EVL: variants seen among roughly 807,000 people sequenced by gnomAD.
The protein encoded by EVL is Enah/Vasp-like.
A neutral mutation model predicts 59.6 loss-of-function variants in EVL; 21 were observed. The ratio of observed to expected loss-of-function variants is 0.35; its 90% CI spans 0.25 to 0.51. The LOEUF (loss-of-function observed/expected upper bound fraction) is 0.51, where lower values mean the gene tolerates loss of function less well. EVL is among the 20% of genes least tolerant of loss of function. The pLI, the probability that EVL is intolerant of heterozygous loss-of-function variation, is 0.97. For synonymous variants in EVL, 198 were observed against 203.5 expected, an observed-to-expected ratio of 0.97 and a Z score of 0.23; for missense variants, 462 against 546.6, an observed-to-expected ratio of 0.85 and a Z score of 1.54.
intron 1 of EVL, among the ~76,000 whole-genome samples, chr14:100,083,571 T>C (rs958276684): frequency 6.6e-6 from 1 of 152,186 alleles, no homozygotes; most frequent in Non-Finnish European, 1.5e-5. Flanking sequence ...TTCCCCTGAA[T>C]ACCGTGGCAG....
intron 1 of EVL, among the ~76,000 whole-genome samples, chr14:100,083,446 T>TA (rs34098353): frequency 0.059 from 8,534 of 145,448 alleles, 351 homozygotes; most frequent in Non-Finnish European, 0.084. Context: ...ATTCCCTCTT[T>TA]AAAAAAAAAA....
chr14:100,144,035 T>A lies in EVL; in HGVS notation c.*297T>A. 1 of 442,918 alleles carries A rather than the reference T, an allele frequency of 2.3e-6. No individual in the cohort carries two copies. Among genetic ancestry groups the A allele is most frequent in the East Asian group, 4.1e-5 (1 of 24,562 alleles). 27.4% of individuals were successfully genotyped at this position (442,918 alleles called of 1,614,324 possible). On this transcript the variant is annotated 3_prime_UTR_variant, in exon 14 of 14. Coordinates refer to ENST00000392920, the MANE Select transcript of EVL (RefSeq NM_016337.3). Reference sequence around the variant, plus strand: ...CTAGAGACGCCCCTAAGTCACCTGCTTCATTAGACGGTTTCCAGGTTTTCT... The same window carrying A: ...CTAGAGACGCCCCTAAGTCACCTGCATCATTAGACGGTTTCCAGGTTTTCT...
chr14:100,074,009 G>A (rs897939478), intron 1 of EVL, among the ~76,000 whole-genome samples: 2 of 151,904 alleles, frequency 1.3e-5, no homozygotes, highest in South Asian at 2.1e-4. Flanking sequence ...CCCCGGGGGC[G>A]GTGGGGGCGG....
At chr14:100,077,593 A>C (rs1290959265) in intron 1 of EVL, among the ~76,000 whole-genome samples, 1 of 152,148 alleles carries the variant, frequency 6.6e-6, no homozygotes, top group Non-Finnish European at 1.5e-5. Context: ...AGGAGACGTG[A>C]AAGCGAATGG....
intron 11 of EVL, 163 bp from the exon 12 acceptor site, chr14:100,141,017 G>A (rs150579388): frequency 5.0e-6 from 3 of 595,264 alleles, no homozygotes; most frequent in East Asian, 6.1e-5. Context: ...GGAGACGGGC[G>A]TTAAATCCTT....
chr14:100,137,160 A>C, intron 9 of EVL: 1 of 231,522 alleles, frequency 4.3e-6, no homozygotes, highest in Non-Finnish European at 8.6e-6. Context: ...AATGGGACAG[A>C]GCCAGGCGCA....
chr14:100,012,058 C>G lies in EVL; in HGVS notation c.5+40001C>G, dbSNP rs546511661. On this transcript the variant is annotated intron_variant, in intron 1 of 13. Coordinates refer to the EVL transcript ENST00000402714. ...CAGCTGTTAAGGAATGGAGCTGGGACCACAGCCCAGCTATTCACTCTCCAG... is the reference window on the plus strand; with the variant it reads ...CAGCTGTTAAGGAATGGAGCTGGGAGCACAGCCCAGCTATTCACTCTCCAG... Among the ~76,000 whole-genome samples the G allele has an allele frequency of 1.3e-5, 2 of 152,242 alleles. 1 individual carries two copies. Among genetic ancestry groups the G allele is most frequent in the South Asian group, 4.1e-4 (2 of 4,820 alleles).
At chr14:100,090,295 A>G (rs939496255) in intron 2 of EVL, among the ~76,000 whole-genome samples, 6 of 152,250 alleles carry the variant, frequency 3.9e-5, no homozygotes, top group African/African-American at 1.2e-4. Context: ...CTAAAAACAT[A>G]GAATATCGTT....
chr14:100,115,299 T>C (rs11160570), intron 3 of EVL, among the ~76,000 whole-genome samples: 122,601 of 152,172 alleles, frequency 0.81, 49,729 homozygotes, highest in African/African-American at 0.9. Flanking sequence ...CCTCCTTTCC[T>C]CATTGTGAAT....
chr14:100,021,167 C>T (rs2061117537), intron 1 of EVL, among the ~76,000 whole-genome samples: 1 of 152,188 alleles, frequency 6.6e-6, no homozygotes, highest in Non-Finnish European at 1.5e-5. Flanking sequence ...CCCCTGTCTA[C>T]CCTCTTGAAC....
chr14:100,010,172 A>G (rs2061007378), intron 1 of EVL, among the ~76,000 whole-genome samples: 1 of 152,186 alleles, frequency 6.6e-6, no homozygotes, highest in African/African-American at 2.4e-5. Context: ...GGGCAATTTC[A>G]AGGTATGGCA....
At chr14:100,019,675 T>G (rs1463331784) in intron 1 of EVL, 4 of 1,533,734 alleles carry the variant, frequency 2.6e-6, no homozygotes, top group Admixed American at 2.0e-5. Context: ...ATGTTTGCAT[T>G]TGAAGAATTC....
intron 11 of EVL, chr14:100,138,832 T>G (rs1310960238): frequency 6.6e-6 from 1 of 152,588 alleles, no homozygotes; most frequent in Non-Finnish European, 1.5e-5. Flanking sequence ...GCATTTTCGT[T>G]GACCCGGACG....
At chr14:100,032,356 G>A (rs73347810) in intron 1 of EVL, among the ~76,000 whole-genome samples, 15,028 of 152,140 alleles carry the variant, frequency 0.099, 911 homozygotes, top group African/African-American at 0.16. Context: ...GTTGTCCTGG[G>A]CTGCTTGGTT....
chr14:100,000,340 CTTTTTTTT>C (rs60864913), intron 1 of EVL, among the ~76,000 whole-genome samples: 2,291 of 99,954 alleles, frequency 0.023, 61 homozygotes, highest in African/African-American at 0.081. Flanking sequence ...CTGTTGCATT[CTTTTTTTT>C]TTTTTTTTTT....
At chr14:100,142,421 A>T (rs1253244419) in intron 13 of EVL, among the ~76,000 whole-genome samples, 2 of 152,214 alleles carry the variant, frequency 1.3e-5, no homozygotes, top group African/African-American at 4.8e-5. Flanking sequence ...CTGCAGCCAG[A>T]GGAAAAGGGG....
intron 3 of EVL, chr14:100,102,308 G>A (rs1401592215): frequency 4.4e-6 from 2 of 455,892 alleles, no homozygotes; most frequent in Non-Finnish European, 8.8e-6. Context: ...CCCCAGGTGC[G>A]TGCATCCTCT....
intron 1 of EVL, among the ~76,000 whole-genome samples, chr14:100,016,221 C>T (rs114976423): frequency 0.019 from 2,880 of 151,114 alleles, 88 homozygotes; most frequent in African/African-American, 0.066. Flanking sequence ...GCTTGGAGTG[C>T]CTTTAAAAAA....
intron 4 of EVL, among the ~76,000 whole-genome samples, chr14:100,124,933 T>G (rs897367080): frequency 2.0e-5 from 3 of 149,718 alleles, no homozygotes; most frequent in Non-Finnish European, 4.5e-5. Flanking sequence ...ACCACACACA[T>G]AGCTGCCCCC....
Sources: gnomAD v4.1 joint callset for allele counts (sites outside exome capture counted in the v4.1 genomes callset) on GRCh38, gnomAD v4.1.1 for gene constraint, MANE v1.5 for transcripts, NCBI Gene and HGNC (gene_info 2026-07-23, HGNC 2026-07-21) for gene names.